The following MGAT4C variants were observed in gnomAD, a reference collection of about 807,000 sequenced individuals.
MGAT4C encodes the protein alpha-1,3-mannosyl-glycoprotein 4-beta-N-acetylglucosaminyltransferase C.
A neutral mutation model predicts 40.1 loss-of-function variants in MGAT4C; 19 were observed. The observed-to-expected ratio is 0.47, with a 90% CI of 0.33 to 0.70. MGAT4C has a LOEUF of 0.70. MGAT4C is among the 30% of genes least tolerant of loss of function. The pLI, the probability that MGAT4C is intolerant of heterozygous loss-of-function variation, is 0.02. For synonymous variants in MGAT4C, 181 were observed against 187.1 expected, an observed-to-expected ratio of 0.97 and a Z score of 0.27; for missense variants, 491 against 563.2, an observed-to-expected ratio of 0.87 and a Z score of 1.30.
chr12:86,707,885 T>A (rs1950490283), intron 2 of MGAT4C, among the ~76,000 whole-genome samples: 1 of 152,194 alleles, frequency 6.6e-6, no homozygotes, highest in Admixed American at 6.5e-5. Flanking sequence ...TGGGTGCTGA[T>A]AAATGCTTTC....
intron 1 of MGAT4C, among the ~76,000 whole-genome samples, chr12:86,167,830 C>A (rs1330946738): frequency 6.6e-6 from 1 of 152,172 alleles, no homozygotes; most frequent in African/African-American, 2.4e-5. Context: ...ATTCAAACCA[C>A]AGCAGTGAAC....
At chr12:86,569,622 C>T (rs7134241) in intron 2 of MGAT4C, among the ~76,000 whole-genome samples, 127,880 of 152,062 alleles carry the variant, frequency 0.84, 54,289 homozygotes, top group East Asian at 0.96. Context: ...TACGGAAAAA[C>T]AGTACTGATA....
intron 2 of MGAT4C, among the ~76,000 whole-genome samples, chr12:86,471,180 A>G (rs556634352): frequency 6.6e-6 from 1 of 152,232 alleles, no homozygotes; most frequent in Admixed American, 6.5e-5. Context: ...TCAGGAATAA[A>G]GAAAGAACAA....
chr12:86,470,492 C>T (rs574097491), intron 2 of MGAT4C, among the ~76,000 whole-genome samples: 4 of 152,090 alleles, frequency 2.6e-5, no homozygotes, highest in Non-Finnish European at 4.4e-5. Context: ...TATCATTCAA[C>T]CCACAGAAGA....
chr12:86,594,932 G>A (rs1455931867), intron 2 of MGAT4C, among the ~76,000 whole-genome samples: 1 of 152,162 alleles, frequency 6.6e-6, no homozygotes, highest in Admixed American at 6.5e-5. Context: ...GTGGCCTCCT[G>A]TAAATTTTAT....
At position 86,151,385 on chromosome 12, in the gene MGAT4C, G is replaced by A. The variant is rs376524019; in HGVS notation, c.-56-101662C>T. ...CCCAGCACTTTGGTAGGCCGAGGCGGGTGGATCACGACGTCAGGAGATCAA... is the reference window on the plus strand; with the variant it reads ...CCCAGCACTTTGGTAGGCCGAGGCGAGTGGATCACGACGTCAGGAGATCAA... On this transcript the variant is annotated intron_variant, in intron 1 of 4. Coordinates refer to ENST00000611864, the MANE Select transcript of MGAT4C (RefSeq NM_001351288.2). 8.3e-4 allele frequency among the ~76,000 whole-genome samples: 127 copies of A among 152,230 alleles called. No homozygotes were observed. In the South Asian group the frequency reaches 0.021, roughly 25 times the overall value.
At chr12:86,827,496 G>T (rs1952830756) in intron 1 of MGAT4C, among the ~76,000 whole-genome samples, 1 of 151,406 alleles carries the variant, frequency 6.6e-6, no homozygotes. Flanking sequence ...AAAGTCATGA[G>T]TATACTTGTA....
At chr12:86,768,959 C>A (rs1443423786) in intron 1 of MGAT4C, among the ~76,000 whole-genome samples, 9 of 151,834 alleles carry the variant, frequency 5.9e-5, no homozygotes, top group Non-Finnish European at 8.8e-5. Flanking sequence ...TAGGCATGGG[C>A]AAGGACTTCA....
rs140499591 is a variant in MGAT4C at position 85,980,244 on chromosome 12, G to A, written c.482C>T (p.Ala161Val). The change falls in exon 5 of 5, where the codon GCG (alanine) becomes GTG (valine). Residue 161 changes from alanine (A) to valine (V), a missense_variant. Ala to Val is a moderately conservative substitution (Grantham distance 64, BLOSUM62 0). Transcript: ENST00000611864. ...AMVQDITQKFAHHIIAGRLMV... is the reference protein window; with the variant it reads ...AMVQDITQKFVHHIIAGRLMV... ...TAATCTTCCTGCAATAATATGGTGC[G>A]CAAATTTCTGTGTAATATCCTGGAC... 48 of 1,613,658 alleles carry A rather than the reference G, an allele frequency of 3.0e-5. No individual in the cohort carries two copies. The African/African-American group carries it at 3.5e-4, about 12-fold the overall frequency.
chr12:86,332,644 G>GTT (rs10651122), intron 4 of MGAT4C, among the ~76,000 whole-genome samples: 17,117 of 150,782 alleles, frequency 0.11, 2,434 homozygotes, highest in African/African-American at 0.32. Flanking sequence ...CTTTTTAAAG[G>GTT]TTTTTTTTTG....
At chr12:86,604,529 T>C (rs1251414247) in intron 2 of MGAT4C, among the ~76,000 whole-genome samples, 2 of 152,138 alleles carry the variant, frequency 1.3e-5, no homozygotes, top group African/African-American at 2.4e-5. Context: ...CACAGACATA[T>C]AGATACACAT....
At chr12:86,373,244 G>A (rs2136213127) in intron 3 of MGAT4C, among the ~76,000 whole-genome samples, 1 of 151,990 alleles carries the variant, frequency 6.6e-6, no homozygotes, top group African/African-American at 2.4e-5. Context: ...GATTACAAAT[G>A]CTATTTTATT....
intron 1 of MGAT4C, among the ~76,000 whole-genome samples, chr12:86,814,553 C>T (rs1019169564): frequency 2.0e-5 from 3 of 151,382 alleles, no homozygotes; most frequent in Non-Finnish European, 4.4e-5. Context: ...ACATTAATTC[C>T]AATTCTCTTA....
intron 1 of MGAT4C, among the ~76,000 whole-genome samples, chr12:86,252,839 G>A (rs1952357256): frequency 6.6e-6 from 1 of 151,944 alleles, no homozygotes; most frequent in African/African-American, 2.4e-5. Flanking sequence ...AATAAAGCTA[G>A]CTTGCTTGAA....
chr12:86,308,618 T>G (rs1197849277), intron 4 of MGAT4C, among the ~76,000 whole-genome samples: 2 of 150,648 alleles, frequency 1.3e-5, no homozygotes, highest in Non-Finnish European at 2.9e-5. Flanking sequence ...TGGTAATAAT[T>G]TCAGTAAATA....
At chr12:86,410,801 T>C (rs1351276639) in intron 3 of MGAT4C, among the ~76,000 whole-genome samples, 1 of 152,196 alleles carries the variant, frequency 6.6e-6, no homozygotes, top group East Asian at 1.9e-4. Flanking sequence ...TATAAAAGTA[T>C]TAATTTTGGA....
Position 85,957,470 on chromosome 12 carries a change from G to A in MGAT4C, c.*21819C>T, listed in dbSNP as rs1882854990. 6.6e-6 allele frequency: 1 copy of A among 152,100 alleles called. No individual in the cohort carries two copies. The highest frequency in any genetic ancestry group is 6.6e-5 in the Admixed American group (1 of 15,260). The allele number at this position is 152,100 out of a possible 1,614,324, so 9.4% of individuals were successfully genotyped here. ...TAGCAGTGGCTAGAAGGAAATTAAT[G>A]GTTTGGGAGGTTGAGCAACAGACTT... On this transcript the variant is annotated 3_prime_UTR_variant, in exon 5 of 5. Transcript: ENST00000611864.
intron 1 of MGAT4C, among the ~76,000 whole-genome samples, chr12:86,198,193 A>T (rs1285807301): frequency 1.3e-5 from 2 of 152,188 alleles, no homozygotes; most frequent in Non-Finnish European, 1.5e-5. Context: ...AACAACCAGG[A>T]GTATTTAACT....
At chr12:86,361,843 C>T (rs1955481552) in intron 3 of MGAT4C, among the ~76,000 whole-genome samples, 1 of 152,308 alleles carries the variant, frequency 6.6e-6, no homozygotes, top group South Asian at 2.1e-4. Context: ...ACAACAGGTG[C>T]TGGAGAAAAT....
Sources: gnomAD v4.1 joint callset for allele counts (sites outside exome capture counted in the v4.1 genomes callset) on GRCh38, gnomAD v4.1.1 for gene constraint, MANE v1.5 for transcripts, NCBI Gene and HGNC (gene_info 2026-07-23, HGNC 2026-07-21) for gene names.